Variants in UNC79 observed in about 807,000 individuals in gnomAD.
The protein encoded by UNC79 is protein unc-79 homolog.
In UNC79, 37 loss-of-function variants were observed where a neutral mutation model predicts 283.1. The observed-to-expected ratio is 0.13, with a 90% CI of 0.10 to 0.17. The LOEUF is 0.17. UNC79 is among the 10% of genes least tolerant of loss of function. UNC79 has a pLI of 1.00. For missense variants in UNC79, 2,272 were observed against 3,211.1 expected, an observed-to-expected ratio of 0.71 and a Z score of 7.07; for synonymous variants, 1,107 against 1,200.2, an observed-to-expected ratio of 0.92 and a Z score of 1.61.
Position 93,558,593 on chromosome 14 carries a change from A to ATT in UNC79, c.1756-13258_1756-13257dup, listed in dbSNP as rs71129647. Among the ~76,000 whole-genome samples the ATT allele has an allele frequency of 1.2e-3, 74 of 62,770 alleles. 6 individuals are homozygous for ATT. Among genetic ancestry groups the ATT allele is most frequent in the African/African-American group, 3.5e-3 (47 of 13,610 alleles). The allele number at this position is 62,770 out of a possible 152,430, so 41.2% of individuals were successfully genotyped here. A position where few individuals can be genotyped will look rare whatever the true frequency, so the allele number is the denominator to read the frequency against. On this transcript the variant is annotated intron_variant, in intron 14 of 48. Coordinates refer to ENST00000555664, the Ensembl canonical transcript of UNC79. ...AATCTTGTAGAGGAGAGAAACAGGG[A>ATT]TTTTTTTTTTTTTTTTTTTTTTTTT...
chr14:93,660,481 C>A (rs550178827), intron 39 of UNC79, among the ~76,000 whole-genome samples: 7 of 131,936 alleles, frequency 5.3e-5, no homozygotes, highest in African/African-American at 1.7e-4. Flanking sequence ...TGAGACATTC[C>A]TATTCCTTTC....
intron 24 of UNC79, among the ~76,000 whole-genome samples, chr14:93,599,959 T>C (rs1007058104): frequency 6.6e-6 from 1 of 152,182 alleles, no homozygotes; most frequent in Non-Finnish European, 1.5e-5. Context: ...CCCAGCACTT[T>C]GGGAGGCCAA....
intron 4 of UNC79, 37 bp from the exon 5 acceptor site, chr14:93,487,626 A>G: frequency 6.3e-7 from 1 of 1,574,996 alleles, no homozygotes; most frequent in Non-Finnish European, 8.7e-7. Context: ...ATATGTAGAG[A>G]TTAAATTGTG....
At chr14:93,595,119 T>C (rs1312979529) in intron 23 of UNC79, among the ~76,000 whole-genome samples, 1 of 151,894 alleles carries the variant, frequency 6.6e-6, no homozygotes, top group Non-Finnish European at 1.5e-5. Context: ...AGATGGAGTC[T>C]TGCTCTATTG....
chr14:93,474,997 A>G lies in UNC79; in HGVS notation c.448+604A>G, dbSNP rs1218229067. 6.6e-6 allele frequency among the ~76,000 whole-genome samples: 1 copy of G among 152,178 alleles called. No homozygotes were observed. Among genetic ancestry groups the G allele is most frequent in the East Asian group, 1.9e-4 (1 of 5,198 alleles). On this transcript the variant is annotated intron_variant, in intron 3 of 48. Coordinates refer to ENST00000555664, the Ensembl canonical transcript of UNC79. The surrounding 1 kb of genome is among the most constrained non-coding windows in gnomAD (Gnocchi z 4.1). ...TTCAGCATATGGTATTAGTGGTGCTATGTGCTATTTGCAGTATGTATACAA... is the reference window on the plus strand; with the variant it reads ...TTCAGCATATGGTATTAGTGGTGCTGTGTGCTATTTGCAGTATGTATACAA...
intron 11 of UNC79, among the ~76,000 whole-genome samples, chr14:93,533,675 G>T (rs2141089071): frequency 6.6e-6 from 1 of 152,314 alleles, no homozygotes; most frequent in South Asian, 2.1e-4. Context: ...AGGCCTCTCA[G>T]AAGTCACACA....
upstream of UNC79, among the ~76,000 whole-genome samples, chr14:93,426,945 G>A (rs1330527608): frequency 6.6e-6 from 1 of 152,106 alleles, no homozygotes; most frequent in African/African-American, 2.4e-5. Context: ...TGGACATTGT[G>A]ATTTTAGTGT....
chr14:93,384,258 T>G (rs1252012074), intron 1 of UNC79, among the ~76,000 whole-genome samples: 1 of 152,216 alleles, frequency 6.6e-6, no homozygotes, highest in African/African-American at 2.4e-5. Flanking sequence ...GTTTTTAGTT[T>G]TTTGAGGAAC....
intron 14 of UNC79, among the ~76,000 whole-genome samples, chr14:93,571,282 C>T (rs983636751): frequency 4.6e-5 from 7 of 152,244 alleles, no homozygotes; most frequent in African/African-American, 9.6e-5. Context: ...TTTGTAAATT[C>T]GTGATTTTAA....
At chr14:93,516,580 G>A (rs1457396755) in intron 7 of UNC79, among the ~76,000 whole-genome samples, 3 of 151,982 alleles carry the variant, frequency 2.0e-5, no homozygotes, top group Admixed American at 6.5e-5. Context: ...CTGAGAGGCT[G>A]GGATTACAGG....
intron 1 of UNC79, among the ~76,000 whole-genome samples, chr14:93,400,125 T>C (rs999884186): frequency 1.3e-5 from 2 of 152,186 alleles, no homozygotes; most frequent in Non-Finnish European, 2.9e-5. Context: ...TTCTACTTTT[T>C]TGTTTATATT....
At chr14:93,520,154 G>C (rs896691299) in intron 7 of UNC79, among the ~76,000 whole-genome samples, 2 of 151,754 alleles carry the variant, frequency 1.3e-5, no homozygotes, top group Non-Finnish European at 3.0e-5. Flanking sequence ...ACTCATTTTT[G>C]AAGGATAATT....
At chr14:93,521,061 T>C (rs1758914531) in intron 7 of UNC79, among the ~76,000 whole-genome samples, 1 of 152,072 alleles carries the variant, frequency 6.6e-6, no homozygotes, top group Non-Finnish European at 1.5e-5. Flanking sequence ...AAGCTACTTG[T>C]GGATTAGTCT....
At chr14:93,604,824 GCACTGAGTATATTTTCTAGGCTC>G in intron 26 of UNC79, 49 bp from the exon 27 acceptor site, 1 of 1,437,884 alleles carries the variant, frequency 7.0e-7, no homozygotes, top group Non-Finnish European at 9.2e-7. Context: ...CATAAAGTTA[GCACTGAGTATATTTTCTAGGCTC>G]CAGTTGTCTG....
chr14:93,686,467 G>A, intron 42 of UNC79, 105 bp from the exon 46 acceptor site: 2 of 1,228,248 alleles, frequency 1.6e-6, no homozygotes, highest in Non-Finnish European at 2.3e-6. Flanking sequence ...CAGAAATCCA[G>A]AAAGTAAAAC....
intron 10 of UNC79, among the ~76,000 whole-genome samples, chr14:93,530,868 C>T (rs2060790087): frequency 6.6e-6 from 1 of 152,146 alleles, no homozygotes; most frequent in African/African-American, 2.4e-5. Flanking sequence ...GAGATCGCCC[C>T]ACTGCACTCC....
chr14:93,618,433 G>T, intron 29 of UNC79, 79 bp downstream of exon 30: 3 of 1,364,094 alleles, frequency 2.2e-6, no homozygotes, highest in Non-Finnish European at 2.9e-6. Flanking sequence ...GGAGATAGAA[G>T]AGTGTTCCCA....
At position 93,621,733 on chromosome 14, in the gene UNC79, A is replaced by T; in HGVS notation, c.4500A>T (p.Lys1500Asn). Residue 1500 changes from lysine (K) to asparagine (N), a missense_variant, in exon 30 of 49, where the codon AAA becomes AAT. By Grantham distance (94) the Lys-to-Asn change is moderately conservative. This residue lies in a region of UNC79 where 580 missense variants were observed against 632.2 expected (regional missense o/e 0.92). Transcript: ENST00000555664. This position sits in a 1 kb window ranked among gnomAD's most constrained non-coding sequence, Gnocchi z 4.8. ...AAAAGCTACGCTCTTTCAAACAAAAATCTCTTGATATAGGGAATGCAGACT... is the reference window on the plus strand; with the variant it reads ...AAAAGCTACGCTCTTTCAAACAAAATTCTCTTGATATAGGGAATGCAGACT... The T allele has an allele frequency of 6.2e-7, 1 of 1,614,054 alleles. No individual in the cohort carries two copies. Among genetic ancestry groups the T allele is most frequent in the Non-Finnish European group, 8.5e-7 (1 of 1,179,992 alleles).
intron 20 of UNC79, among the ~76,000 whole-genome samples, chr14:93,583,069 C>G (rs2063931885): frequency 6.6e-6 from 1 of 151,930 alleles, no homozygotes; most frequent in Non-Finnish European, 1.5e-5. Flanking sequence ...TACCTGTAAT[C>G]CCAGTACTTT....
Sources: gnomAD v4.1 joint callset for allele counts (sites outside exome capture counted in the v4.1 genomes callset) on GRCh38, gnomAD v4.1.1 for gene constraint, gnomAD v4.1.1 regional missense constraint, Gnocchi (gnomAD v3.1) non-coding constraint, MANE v1.5 for transcripts, NCBI Gene and HGNC (gene_info 2026-07-23, HGNC 2026-07-21) for gene names.